Variants in SHB observed in about 807,000 individuals in gnomAD.
The protein encoded by SHB is SH2 domain-containing adapter protein B.
SHB carries 20 observed loss-of-function variants against 52.3 expected under a neutral mutation model. The ratio of observed to expected loss-of-function variants is 0.38; its 90% CI spans 0.27 to 0.56. The LOEUF is 0.56. SHB is among the 20% of genes least tolerant of loss of function. The pLI is 0.71. For synonymous variants in SHB, 397 were observed against 316.5 expected, an observed-to-expected ratio of 1.25 and a Z score of -2.70; for missense variants, 825 against 723.3, an observed-to-expected ratio of 1.14 and a Z score of -1.61.
At chr9:37,955,634 T>A (rs576986289) in intron 4 of SHB, among the ~76,000 whole-genome samples, 6 of 147,006 alleles carry the variant, frequency 4.1e-5, no homozygotes, top group Non-Finnish European at 6.0e-5. Flanking sequence ...CATGCCATCA[T>A]ACCTGGTTAA....
chr9:38,016,017 T>C lies in SHB; in HGVS notation c.832A>G (p.Met278Val), dbSNP rs192697403. The C allele has an allele frequency of 1.8e-5, 29 of 1,614,200 alleles. No homozygotes were observed. In the Admixed American group the frequency reaches 4.8e-4, roughly 27 times the overall value. Residue 278 changes from methionine (M) to valine (V), a missense_variant, in exon 2 of 6, where the codon ATG (methionine) becomes GTG (valine). By Grantham distance (21) the Met-to-Val change is conservative. Coordinates refer to ENST00000377707, the MANE Select transcript of SHB (RefSeq NM_003028.3). ...GCGCTTCAGCTCCACTTACCTGTCA[T>C]GATCCTCTGTGCCTCATAGGGCTCC... is the stretch of plus-strand genomic sequence containing the variant. ...YMEPYEAQRI[M>V]TEFQRQESVR...
intron 1 of SHB, among the ~76,000 whole-genome samples, chr9:38,043,527 C>A (rs1356405003): frequency 6.6e-6 from 1 of 152,160 alleles, no homozygotes; most frequent in Non-Finnish European, 1.5e-5. Flanking sequence ...GTGTCTGAGT[C>A]TGGGAACATG....
At chr9:38,029,751 A>G (rs1334157329) in intron 1 of SHB, among the ~76,000 whole-genome samples, 2 of 152,174 alleles carry the variant, frequency 1.3e-5, no homozygotes, top group Admixed American at 6.5e-5. Flanking sequence ...TCAGCCTCCA[A>G]AAGTGCTGGG....
At chr9:37,998,004 G>A (rs892601352) in intron 2 of SHB, among the ~76,000 whole-genome samples, 1 of 152,252 alleles carries the variant, frequency 6.6e-6, no homozygotes, top group African/African-American at 2.4e-5. Flanking sequence ...GTCCAACCGA[G>A]CAAGCAGAGG....
chr9:37,926,681 T>A (rs1832254749), intron 5 of SHB, among the ~76,000 whole-genome samples: 1 of 152,222 alleles, frequency 6.6e-6, no homozygotes, highest in East Asian at 1.9e-4. Context: ...GGTAGAGATC[T>A]CTGAAGAGAA....
chr9:38,016,102 G>A lies in SHB; in HGVS notation c.747C>T (p.Pro249=), dbSNP rs1426813630. ...KVTIADDYSD[P]FDAKNDLKSK... is the part of the protein sequence containing the mutation. ...TCTTGAGATCATTCTTGGCATCAAA[G>A]GGATCTGAGTAGTCATCGGCTATGG... is the stretch of plus-strand genomic sequence containing the variant. The change falls in exon 2 of 6, where the codon CCC becomes CCT. Residue 249 remains proline (P), a synonymous_variant. Transcript: ENST00000377707. 3.1e-6 allele frequency: 5 copies of A among 1,614,176 alleles called. No individual in the cohort carries two copies. The highest frequency in any genetic ancestry group is 2.7e-5 in the African/African-American group (2 of 75,064).
intron 2 of SHB, among the ~76,000 whole-genome samples, chr9:38,009,637 G>A (rs1325571554): frequency 6.6e-6 from 1 of 152,186 alleles, no homozygotes; most frequent in African/African-American, 2.4e-5. Flanking sequence ...GATTCTCCCA[G>A]AGAGCATGTT....
rs1320009317 is a variant in SHB at position 37,916,756 on chromosome 9, C to A, written c.*3065G>T. Among the ~76,000 whole-genome samples, 2 of 152,088 alleles carry A rather than the reference C, an allele frequency of 1.3e-5. No homozygotes were observed. The highest frequency in any genetic ancestry group is 2.9e-5 in the Non-Finnish European group (2 of 68,020). On this transcript the variant is annotated 3_prime_UTR_variant, in exon 6 of 6. Coordinates refer to ENST00000377707, the MANE Select transcript of SHB (RefSeq NM_003028.3). ...GGACGGGACTGGCAGGCGGTGGGGCCCTCTTCCCCTACAAAGCCTCCTTTC... is the reference window on the plus strand; with the variant it reads ...GGACGGGACTGGCAGGCGGTGGGGCACTCTTCCCCTACAAAGCCTCCTTTC...
chr9:37,979,867 G>A (rs981832910), intron 2 of SHB, among the ~76,000 whole-genome samples: 6 of 152,070 alleles, frequency 3.9e-5, no homozygotes, highest in Non-Finnish European at 7.4e-5. Context: ...GCACACAAAA[G>A]TTATATTTAT....
Position 37,933,564 on chromosome 9 carries a change from G to A in SHB, c.1347-13560C>T, listed in dbSNP as rs140519574. ...CAGTACCCAGAGACTTACTTGTTAA[G>A]CCTGTGGCCCCCTGGATCTCTTTGC... On this transcript the variant is annotated intron_variant, in intron 5 of 5. Coordinates refer to ENST00000377707, the MANE Select transcript of SHB (RefSeq NM_003028.3). Among the ~76,000 whole-genome samples, 151 of 152,310 alleles carry A rather than the reference G, an allele frequency of 9.9e-4. 1 individual carries two copies. The highest frequency in any genetic ancestry group is 3.5e-3 in the African/African-American group (145 of 41,592).
intron 3 of SHB, among the ~76,000 whole-genome samples, chr9:37,966,521 AC>A (rs1447063167): frequency 6.6e-6 from 1 of 151,596 alleles, no homozygotes; most frequent in African/African-American, 2.4e-5. Context: ...TCTCACTGAA[AC>A]CCCCCTTTCC....
rs1564102285 is a variant in SHB at position 38,015,531 on chromosome 9, A to T, written c.838+480T>A. 5.7e-6 allele frequency: 4 copies of T among 696,502 alleles called. No homozygotes were observed. The South Asian group carries it at 6.0e-5, about 10-fold the overall frequency. The allele number at this position is 696,502 out of a possible 1,614,324, so 43.1% of individuals were successfully genotyped here. A position where few individuals can be genotyped will look rare whatever the true frequency, so the allele number is the denominator to read the frequency against. The stretch of plus-strand genomic sequence containing the variant: ...TGCTGCTTCCAGCTCCAAAACAAAG[A>T]TTTCTCGGGATGCGGCCAGAAATAA... On this transcript the variant is annotated intron_variant, in intron 2 of 5. Coordinates refer to ENST00000377707, the MANE Select transcript of SHB (RefSeq NM_003028.3).
chr9:38,003,282 C>G (rs1292443258), intron 2 of SHB, among the ~76,000 whole-genome samples: 1 of 151,984 alleles, frequency 6.6e-6, no homozygotes, highest in Non-Finnish European at 1.5e-5. Flanking sequence ...AACACAGGAC[C>G]TCCTTGGGTT....
At chr9:38,001,478 C>A (rs1424337801) in intron 2 of SHB, among the ~76,000 whole-genome samples, 1 of 152,270 alleles carries the variant, frequency 6.6e-6, no homozygotes, top group Non-Finnish European at 1.5e-5. Context: ...GGAAGACATG[C>A]AAGGCTCTTT....
chr9:37,984,870 A>C (rs903037193), intron 2 of SHB, among the ~76,000 whole-genome samples: 16 of 152,180 alleles, frequency 1.1e-4, no homozygotes, highest in African/African-American at 1.2e-4. Context: ...GGGGTCCCTC[A>C]GAGGCTGAGG....
At chr9:37,926,096 C>A (rs996816680) in intron 5 of SHB, among the ~76,000 whole-genome samples, 3 of 152,138 alleles carry the variant, frequency 2.0e-5, no homozygotes, top group Non-Finnish European at 4.4e-5. Context: ...TAATGCTAAC[C>A]TGCTGTGATG....
Position 37,955,926 on chromosome 9 carries a change from G to A in SHB, c.1183C>T (p.Leu395=). ...ACGGCAGGATCCACCCTTTCTCCTAGGATCCCGCAGAACTCAGGGCTCCCA... is the reference window on the plus strand; with the variant it reads ...ACGGCAGGATCCACCCTTTCTCCTAAGATCCCGCAGAACTCAGGGCTCCCA... The part of the protein sequence containing the change: ...KHGSPEFCGI[L]GERVDPAVPL... Residue 395 remains leucine, a synonymous_variant, in exon 4 of 6, where the codon CTA becomes TTA. Transcript: ENST00000377707. The A allele has an allele frequency of 6.2e-7, 1 of 1,613,754 alleles. No individual in the cohort carries two copies. The highest frequency in any genetic ancestry group is 8.5e-7 in the Non-Finnish European group (1 of 1,179,934).
At position 38,068,611 on chromosome 9, in the gene SHB, C is replaced by T. The variant is rs1822011133; in HGVS notation, c.35G>A (p.Gly12Asp). Residue 12 changes from glycine to aspartate, a missense_variant, in exon 1 of 6, where the codon GGC becomes GAC. By Grantham distance (94) the Gly-to-Asp change is moderately conservative (BLOSUM62 -1). Transcript: ENST00000377707. ...CGGGGGGCTCTTGGTCTTGCTGTTG[C>T]CCAAGCTGAAGTACTTGTTTAGCCA... ...AKWLNKYFSL[G>D]NSKTKSPPQP... The T allele has an allele frequency of 4.0e-6, 6 of 1,491,242 alleles. No homozygotes were observed. Among genetic ancestry groups the T allele is most frequent in the Middle Eastern group, 2.0e-4 (1 of 4,892 alleles). 92.4% of individuals were successfully genotyped at this position (1,491,242 alleles called of 1,614,324 possible). A position where few individuals can be genotyped will look rare whatever the true frequency, so the allele number is the denominator to read the frequency against.
intron 5 of SHB, among the ~76,000 whole-genome samples, chr9:37,943,840 C>G (rs1382066459): frequency 6.6e-6 from 1 of 152,222 alleles, no homozygotes; most frequent in Non-Finnish European, 1.5e-5. Context: ...GTCCACATTC[C>G]TTTGCAAAAA....
Sources: allele counts gnomAD v4.1 joint callset (sites outside exome capture counted in the v4.1 genomes callset), GRCh38; gene constraint gnomAD v4.1.1; transcripts MANE v1.5; gene names NCBI Gene and HGNC (gene_info 2026-07-23, HGNC 2026-07-21).